MDGA2: variants seen among roughly 807,000 people sequenced by gnomAD.
MDGA2 encodes the protein MAM domain containing glycosylphosphatidylinositol anchor 2.
Under a neutral mutation model 117.8 loss-of-function variants are expected in MDGA2, and 40 were observed. The observed-to-expected ratio is 0.34, with a 90% CI of 0.26 to 0.44. MDGA2 has a LOEUF of 0.44. Ranked by LOEUF, MDGA2 falls within the 20% of genes least tolerant of loss-of-function variation. The pLI, the probability that MDGA2 is intolerant of heterozygous loss-of-function variation, is 1.00. For missense variants in MDGA2, 1,123 were observed against 1,250.6 expected, an observed-to-expected ratio of 0.90 and a Z score of 1.54; for synonymous variants, 452 against 439.0, an observed-to-expected ratio of 1.03 and a Z score of -0.37.
At chr14:47,279,253 T>G (rs2139729149) in intron 2 of MDGA2, among the ~76,000 whole-genome samples, 1 of 152,298 alleles carries the variant, frequency 6.6e-6, no homozygotes, top group Middle Eastern at 3.4e-3. Context: ...TATTATCAAT[T>G]ACTTTTTTCT....
chr14:47,226,786 T>C (rs1886518757), intron 2 of MDGA2, among the ~76,000 whole-genome samples: 1 of 152,172 alleles, frequency 6.6e-6, no homozygotes, highest in African/African-American at 2.4e-5. Context: ...AAAATGTTAT[T>C]GTTCCATCCT....
intron 1 of MDGA2, among the ~76,000 whole-genome samples, chr14:47,303,377 A>G (rs1207714015): frequency 6.6e-6 from 1 of 152,140 alleles, no homozygotes; most frequent in Admixed American, 6.5e-5. Flanking sequence ...GGTCTATAAA[A>G]CCAATTTATT....
chr14:47,057,345 C>T (rs1889714132), intron 7 of MDGA2, among the ~76,000 whole-genome samples: 1 of 151,876 alleles, frequency 6.6e-6, no homozygotes, highest in Admixed American at 6.6e-5. Context: ...TCTACGTAAT[C>T]TGTCTTGATG....
intron 3 of MDGA2, among the ~76,000 whole-genome samples, chr14:47,173,684 A>G (rs376807522): frequency 1.3e-4 from 20 of 152,340 alleles, no homozygotes; most frequent in Non-Finnish European, 1.5e-4. Flanking sequence ...GGTACCAGCC[A>G]CTGCAAAATC....
intron 8 of MDGA2, among the ~76,000 whole-genome samples, chr14:47,000,382 T>C (rs1223035039): frequency 1.5e-5 from 1 of 67,288 alleles, no homozygotes; most frequent in Admixed American, 2.4e-4. Context: ...TATATTTATA[T>C]ATATATATTT....
intron 1 of MDGA2, among the ~76,000 whole-genome samples, chr14:47,669,909 C>T (rs1898044260): frequency 6.6e-6 from 1 of 152,148 alleles, no homozygotes; most frequent in African/African-American, 2.4e-5. Context: ...ATGAGAATGG[C>T]AACATCCTGA....
At chr14:46,903,673 A>G (rs933188243) in intron 10 of MDGA2, among the ~76,000 whole-genome samples, 3 of 152,116 alleles carry the variant, frequency 2.0e-5, no homozygotes, top group Admixed American at 2.0e-4. Context: ...TTCCAGTTGA[A>G]GTTAATATTA....
intron 6 of MDGA2, among the ~76,000 whole-genome samples, chr14:47,095,816 T>C (rs1305853737): frequency 2.6e-5 from 4 of 152,014 alleles, no homozygotes; most frequent in Admixed American, 1.3e-4. Context: ...CAATCTACAT[T>C]CACAAAATCA....
intron 1 of MDGA2, among the ~76,000 whole-genome samples, chr14:47,405,854 C>T (rs72685835): frequency 0.014 from 2,120 of 152,224 alleles, 23 homozygotes; most frequent in Non-Finnish European, 0.021. Flanking sequence ...ATTTCCAAAA[C>T]ATTATTTATG....
intron 1 of MDGA2, chr14:47,306,222 G>A (rs1282827537): frequency 6.6e-6 from 1 of 152,182 alleles, no homozygotes; most frequent in Non-Finnish European, 1.5e-5. Context: ...ATCTGAGGGT[G>A]AGGGAAAGAG....
At chr14:47,336,123 A>G (rs1890449531) in intron 1 of MDGA2, among the ~76,000 whole-genome samples, 1 of 151,898 alleles carries the variant, frequency 6.6e-6, no homozygotes, top group African/African-American at 2.4e-5. Context: ...CATACAAGAA[A>G]AAGTGTAGGA....
intron 10 of MDGA2, among the ~76,000 whole-genome samples, chr14:46,918,890 T>A (rs1300053499): frequency 6.6e-6 from 1 of 151,152 alleles, no homozygotes; most frequent in Non-Finnish European, 1.5e-5. Flanking sequence ...GCCTCCCGAG[T>A]AGCTGGGACT....
intron 2 of MDGA2, among the ~76,000 whole-genome samples, chr14:47,285,992 G>T (rs749576906): frequency 6.6e-6 from 1 of 151,834 alleles, no homozygotes. Context: ...GACCTACTAC[G>T]TGTGAAGCTT....
chr14:46,967,265 T>C (rs1259470469), intron 8 of MDGA2, among the ~76,000 whole-genome samples: 2 of 152,136 alleles, frequency 1.3e-5, no homozygotes, highest in Non-Finnish European at 2.9e-5. Flanking sequence ...TATTTAACCA[T>C]TGGAGGAGCA....
intron 1 of MDGA2, among the ~76,000 whole-genome samples, chr14:47,540,540 G>GTGTGTGTGTGTATATATATATATATATA: frequency 1.0e-4 from 8 of 79,202 alleles, no homozygotes; most frequent in Non-Finnish European, 1.9e-4. Flanking sequence ...GTGTGTGTGT[G>GTGTGTGTGTGTATATATATATATATATA]TATATATATA....
rs556049881 is a variant in MDGA2, at chr14:47,613,262, T to C, written c.280+61255A>G. Among the ~76,000 whole-genome samples the C allele has an allele frequency of 6.6e-4, 100 of 152,242 alleles. 1 individual carries two copies. The South Asian group carries it at 0.02, about 30-fold the overall frequency. On this transcript the variant is annotated intron_variant, in intron 1 of 16. Transcript: ENST00000399232. The stretch of plus-strand genomic sequence containing the variant: ...GCTCTGTGTGACCCCAAAAGCCCCG[T>C]TGTTCATTAGACTGCAAACTGCTGA...
chr14:47,590,276 A>G (rs1344492311), intron 1 of MDGA2, among the ~76,000 whole-genome samples: 1 of 151,942 alleles, frequency 6.6e-6, no homozygotes, highest in Non-Finnish European at 1.5e-5. Flanking sequence ...TTTTAATTGT[A>G]AAAAGCAAAA....
chr14:47,341,612 A>G (rs760879250), intron 1 of MDGA2, among the ~76,000 whole-genome samples: 1 of 152,230 alleles, frequency 6.6e-6, no homozygotes, highest in Non-Finnish European at 1.5e-5. Flanking sequence ...ATATTTGACT[A>G]AGACAAATCC....
chr14:47,628,927 G>C (rs1016075599), intron 1 of MDGA2, among the ~76,000 whole-genome samples: 19 of 152,202 alleles, frequency 1.2e-4, no homozygotes, highest in Non-Finnish European at 2.1e-4. Flanking sequence ...TTGAGACAAG[G>C]CTGAAGAGCC....
Sources: allele counts gnomAD v4.1 joint callset (sites outside exome capture counted in the v4.1 genomes callset), GRCh38; gene constraint gnomAD v4.1.1; transcripts MANE v1.5; gene names NCBI Gene and HGNC (gene_info 2026-07-23, HGNC 2026-07-21).